The following KNL1 variants were observed in gnomAD, a reference collection of about 807,000 sequenced individuals.
KNL1 encodes outer kinetochore KNL1 complex subunit KNL1.
Under a neutral mutation model 201.3 loss-of-function variants are expected in KNL1, and 66 were observed. The ratio of observed to expected loss-of-function variants is 0.33; its 90% CI spans 0.27 to 0.40. The LOEUF (loss-of-function observed/expected upper bound fraction) is 0.40, where lower values mean the gene tolerates loss of function less well. Ranked by LOEUF, KNL1 falls within the 10% of genes least tolerant of loss-of-function variation. KNL1 has a pLI of 1.00. For synonymous variants in KNL1, 895 were observed against 899.2 expected, an observed-to-expected ratio of 1.00 and a Z score of 0.08; for missense variants, 2,815 against 2,690.5, an observed-to-expected ratio of 1.05 and a Z score of -1.02.
chr15:40,650,215 G>T, intron 17 of KNL1, 86 bp from the exon 18 acceptor site: 1 of 838,532 alleles, frequency 1.2e-6, no homozygotes, highest in East Asian at 2.7e-5. Flanking sequence ...AATTGTTTTT[G>T]ATTGAATTAT....
chr15:40,635,803 C>T (rs1893040872), intron 13 of KNL1, among the ~76,000 whole-genome samples: 1 of 152,172 alleles, frequency 6.6e-6, no homozygotes, highest in Non-Finnish European at 1.5e-5. Flanking sequence ...CCTGCATGCT[C>T]ATGTAGTGAC....
intron 1 of KNL1, among the ~76,000 whole-genome samples, chr15:40,597,876 T>C (rs895973527): frequency 1.3e-5 from 2 of 152,156 alleles, no homozygotes; most frequent in Non-Finnish European, 2.9e-5. Flanking sequence ...GTGCACTGAA[T>C]TTGAAAATAT....
At chr15:40,629,879 T>C (rs1892864268) in intron 13 of KNL1, among the ~76,000 whole-genome samples, 1 of 152,200 alleles carries the variant, frequency 6.6e-6, no homozygotes, top group Non-Finnish European at 1.5e-5. Flanking sequence ...TTTTTAATCA[T>C]GGATTTCGAT....
chr15:40,612,343 T>C (rs1051061244), intron 7 of KNL1, among the ~76,000 whole-genome samples: 1 of 144,246 alleles, frequency 6.9e-6, no homozygotes, highest in Non-Finnish European at 1.5e-5. Context: ...CCCAAAAAAT[T>C]AGCCAGGTAT....
At chr15:40,616,878 GC>G (rs1484396372) in intron 8 of KNL1, among the ~76,000 whole-genome samples, 2 of 152,138 alleles carry the variant, frequency 1.3e-5, no homozygotes, top group Non-Finnish European at 2.9e-5. Flanking sequence ...CCATGCTCTA[GC>G]CCATGATGAA....
intron 7 of KNL1, among the ~76,000 whole-genome samples, chr15:40,614,812 TG>T (rs968589872): frequency 1.3e-5 from 2 of 152,252 alleles, no homozygotes; most frequent in African/African-American, 4.8e-5. Flanking sequence ...ATGTACTTTT[TG>T]TTTTAAGGCT....
chr15:40,655,044 T>TA (rs1172813196), intron 22 of KNL1, 67 bp downstream of exon 22: 4 of 1,259,068 alleles, frequency 3.2e-6, no homozygotes, highest in Non-Finnish European at 3.5e-6. Context: ...ATGCCTTTAA[T>TA]CCCAGCACTT....
At chr15:40,644,625 G>A (rs1397845802) in intron 14 of KNL1, among the ~76,000 whole-genome samples, 1 of 152,106 alleles carries the variant, frequency 6.6e-6, no homozygotes, top group Admixed American at 6.6e-5. Flanking sequence ...GCTTTCAAGG[G>A]CAGAGGTCCC....
chr15:40,648,878 T>A (rs1446187626), intron 17 of KNL1, among the ~76,000 whole-genome samples: 2 of 148,912 alleles, frequency 1.3e-5, no homozygotes, highest in Non-Finnish European at 3.0e-5. Flanking sequence ...TTACCCAGGC[T>A]GGAGTCAATG....
At chr15:40,603,042 C>T (rs1185947164) in intron 2 of KNL1, 76 bp downstream of exon 2, 2 of 923,298 alleles carry the variant, frequency 2.2e-6, no homozygotes, top group Non-Finnish European at 1.7e-6. Flanking sequence ...AAGACCTATC[C>T]ATAACTTCTG....
intron 13 of KNL1, 114 bp downstream of exon 13, chr15:40,629,485 TTTGCCTTTTC>T: frequency 1.0e-5 from 5 of 497,984 alleles, no homozygotes; most frequent in South Asian, 2.1e-5. Flanking sequence ...TTTTTTTTTT[TTTGCCTTTTC>T]TTTTTTTTTT....
At chr15:40,642,204 C>T (rs2141748845) in intron 14 of KNL1, among the ~76,000 whole-genome samples, 1 of 152,142 alleles carries the variant, frequency 6.6e-6, no homozygotes, top group Middle Eastern at 3.4e-3. Flanking sequence ...TCGAGACCAT[C>T]CTGGCTAACA....
intron 11 of KNL1, 35 bp from the exon 12 acceptor site, chr15:40,628,576 G>T: frequency 7.1e-7 from 1 of 1,412,048 alleles, no homozygotes; most frequent in South Asian, 1.2e-5. Context: ...GTTTAGTTTT[G>T]ACTTGTTCGT....
intron 21 of KNL1, among the ~76,000 whole-genome samples, chr15:40,653,002 C>T (rs1036403062): frequency 2.0e-5 from 3 of 152,056 alleles, no homozygotes; most frequent in African/African-American, 4.8e-5. Flanking sequence ...CGTATTGGAA[C>T]GTAGGATCTT....
At chr15:40,605,205 A>AT in intron 3 of KNL1, 56 bp downstream of exon 3, 1 of 980,942 alleles carries the variant, frequency 1.0e-6, no homozygotes, top group Non-Finnish European at 1.6e-6. Context: ...TGATAACCAT[A>AT]TATCACAGTA....
At chr15:40,657,841 T>G (rs1206131309) in intron 24 of KNL1, among the ~76,000 whole-genome samples, 1 of 152,190 alleles carries the variant, frequency 6.6e-6, no homozygotes, top group African/African-American at 2.4e-5. Flanking sequence ...GATTTCCAAA[T>G]AAGGTCACTT....
chr15:40,598,589 A>C (rs554469640), intron 1 of KNL1, among the ~76,000 whole-genome samples: 41 of 150,964 alleles, frequency 2.7e-4, no homozygotes, highest in South Asian at 1.7e-3. Context: ...CCGGCCCCCC[A>C]AAAAAAACAA....
rs1893834141 is a variant in KNL1, at chr15:40,659,319, G to C, written c.6714-20G>C. 1 of 1,554,640 alleles carries C rather than the reference G, an allele frequency of 6.4e-7. No individual in the cohort carries two copies. Among genetic ancestry groups the C allele is most frequent in the Admixed American group, 1.9e-5 (1 of 53,244 alleles). ...GCTATTATTTGTTGCATTTTTAATT[G>C]TGGATCTTGTCTTTTACAGATTGAG... On this transcript the variant is annotated intron_variant, in intron 24 of 25. Coordinates refer to ENST00000399668, the MANE Select transcript of KNL1 (RefSeq NM_144508.5).
chr15:40,615,469 C>T (rs555032099), intron 8 of KNL1, 91 bp downstream of exon 8: 224 of 334,164 alleles, frequency 6.7e-4, no homozygotes, highest in African/African-American at 5.3e-3. Context: ...CCATGAACCA[C>T]GAAAAAAAAG....
Sources: allele counts gnomAD v4.1 joint callset (sites outside exome capture counted in the v4.1 genomes callset), GRCh38; gene constraint gnomAD v4.1.1; transcripts MANE v1.5; gene names NCBI Gene and HGNC (gene_info 2026-07-23, HGNC 2026-07-21).